ACAP2: variants seen among roughly 807,000 people sequenced by gnomAD.
ACAP2 encodes arf-GAP with coiled-coil, ANK repeat and PH domain-containing protein 2.
In ACAP2, 39 loss-of-function variants were observed where a neutral mutation model predicts 115.8. The ratio of observed to expected loss-of-function variants is 0.34; its 90% CI spans 0.26 to 0.44. The LOEUF (loss-of-function observed/expected upper bound fraction) is 0.44. Among genes scored for constraint, ACAP2 ranks in the 20% least tolerant of loss-of-function variants. ACAP2 has a pLI of 1.00. For synonymous variants in ACAP2, 289 were observed against 315.8 expected, an observed-to-expected ratio of 0.92 and a Z score of 0.90; for missense variants, 662 against 927.6, an observed-to-expected ratio of 0.71 and a Z score of 3.72.
intron 10 of ACAP2, among the ~76,000 whole-genome samples, chr3:195,317,452 C>T (rs1729170577): frequency 6.6e-6 from 1 of 152,120 alleles, no homozygotes; most frequent in Non-Finnish European, 1.5e-5. Context: ...CAGAATCCAA[C>T]TACTACTCAT....
chr3:195,435,551 T>C (rs1016846892), intron 1 of ACAP2, among the ~76,000 whole-genome samples: 5 of 152,198 alleles, frequency 3.3e-5, no homozygotes. Flanking sequence ...TGGCGTGTTC[T>C]ATTTTTGTTT....
chr3:195,308,920 C>T (rs1354437957), intron 10 of ACAP2, 83 bp from the exon 11 acceptor site: 5 of 1,289,056 alleles, frequency 3.9e-6, no homozygotes, highest in South Asian at 2.6e-5. Context: ...TGAGAAAGCA[C>T]TGGAAATCAC....
chr3:195,308,954 A>C (rs1460460026), intron 10 of ACAP2, 117 bp from the exon 11 acceptor site: 10 of 958,334 alleles, frequency 1.0e-5, no homozygotes, highest in Non-Finnish European at 1.6e-5. Flanking sequence ...TGTTTTGAGA[A>C]GTCCACTGTA....
intron 4 of ACAP2, among the ~76,000 whole-genome samples, chr3:195,366,495 C>T (rs1477975121): frequency 6.6e-6 from 1 of 152,164 alleles, no homozygotes; most frequent in Non-Finnish European, 1.5e-5. Flanking sequence ...AACATTACCG[C>T]CATCACCTGG....
chr3:195,414,592 A>G (rs1436956100), intron 1 of ACAP2, among the ~76,000 whole-genome samples: 2 of 152,230 alleles, frequency 1.3e-5, no homozygotes, highest in Non-Finnish European at 2.9e-5. Context: ...AGTATCATTC[A>G]GCACTAAAAA....
intron 1 of ACAP2, among the ~76,000 whole-genome samples, chr3:195,416,781 CACA>C (rs1375082187): frequency 6.6e-6 from 1 of 152,156 alleles, no homozygotes; most frequent in Non-Finnish European, 1.5e-5. Context: ...GGTTGAATCT[CACA>C]ACACTAGAAG....
chr3:195,366,442 T>G (rs866389913), intron 4 of ACAP2, among the ~76,000 whole-genome samples: 2 of 152,178 alleles, frequency 1.3e-5, no homozygotes, highest in Non-Finnish European at 2.9e-5. Flanking sequence ...GAGACACTGG[T>G]GACTCCAGAA....
At chr3:195,406,630 C>T (rs746020811) in intron 1 of ACAP2, among the ~76,000 whole-genome samples, 6 of 152,164 alleles carry the variant, frequency 3.9e-5, no homozygotes, top group African/African-American at 1.4e-4. Context: ...TCTTTTCTTT[C>T]TTCTAAGCTA....
chr3:195,349,409 AG>A (rs1309210959), intron 4 of ACAP2, among the ~76,000 whole-genome samples: 1 of 152,124 alleles, frequency 6.6e-6, no homozygotes, highest in African/African-American at 2.4e-5. Flanking sequence ...TGAACCCGGG[AG>A]GCAGAGCTTG....
intron 1 of ACAP2, among the ~76,000 whole-genome samples, chr3:195,428,569 C>T (rs1056600763): frequency 2.6e-5 from 4 of 152,050 alleles, no homozygotes; most frequent in Non-Finnish European, 5.9e-5. Context: ...AGGTTTGTAT[C>T]CTAGGACCCA....
In ACAP2 at chr3:195,301,583, G is replaced by A. The variant is rs1056792854; in HGVS notation, c.1387C>T (p.Leu463Phe). ...SLTLDTWEPE[L>F]LKLMCELGND... is the part of the protein sequence containing the mutation. Reference sequence around the variant, plus strand: ...GCAAAAATTTTTTTTACCTTTAAAAGTTCTGGCTCCCAGGTGTCTAAAGTT... The same window carrying A: ...GCAAAAATTTTTTTTACCTTTAAAAATTCTGGCTCCCAGGTGTCTAAAGTT... Residue 463 changes from leucine (L) to phenylalanine (F), a missense_variant, in exon 15 of 23, where the codon CTT becomes TTT. Physicochemically the swap from Leu to Phe is conservative, Grantham distance 22 (BLOSUM62 0). Transcript: ENST00000326793. 8.7e-6 allele frequency: 14 copies of A among 1,609,226 alleles called. No homozygotes were observed. Among genetic ancestry groups the A allele is most frequent in the Non-Finnish European group, 2.5e-6 (3 of 1,178,642 alleles).
intron 3 of ACAP2, among the ~76,000 whole-genome samples, chr3:195,381,319 G>C (rs1424023574): frequency 1.3e-5 from 2 of 152,096 alleles, no homozygotes; most frequent in African/African-American, 4.8e-5. Flanking sequence ...AATAGAAATG[G>C]TAAATATAAA....
intron 4 of ACAP2, among the ~76,000 whole-genome samples, chr3:195,379,511 G>A (rs1463261442): frequency 1.3e-5 from 2 of 152,002 alleles, no homozygotes; most frequent in African/African-American, 4.8e-5. Context: ...ACTGACAAAG[G>A]GACTGGGTGT....
chr3:195,281,273 T>C (rs960047715), intron 22 of ACAP2, among the ~76,000 whole-genome samples: 2 of 151,850 alleles, frequency 1.3e-5, no homozygotes, highest in Non-Finnish European at 2.9e-5. Flanking sequence ...GGCGTGGTGG[T>C]GGGCGCCTGT....
intron 20 of ACAP2, 92 bp downstream of exon 20, chr3:195,291,614 A>T: frequency 1.1e-6 from 1 of 907,478 alleles, no homozygotes; most frequent in Non-Finnish European, 1.6e-6. Context: ...TACAAACACT[A>T]CCTGAAAACT....
At chr3:195,336,761 TGAA>T in intron 7 of ACAP2, 168 bp downstream of exon 7, 2 of 624,472 alleles carry the variant, frequency 3.2e-6, no homozygotes, top group South Asian at 3.9e-5. Flanking sequence ...AACTGTAACA[TGAA>T]GGAGACAAAA....
intron 2 of ACAP2, among the ~76,000 whole-genome samples, chr3:195,382,922 A>G (rs1428248133): frequency 1.3e-5 from 2 of 151,678 alleles, no homozygotes; most frequent in Non-Finnish European, 2.9e-5. Flanking sequence ...GGCTGTGGGG[A>G]CCAGGGAAGG....
In ACAP2 at chr3:195,295,769, C is replaced by A; in HGVS notation, c.1611G>T (p.Lys537Asn). 1 of 1,614,080 alleles carries A rather than the reference C, an allele frequency of 6.2e-7. No individual in the cohort carries two copies. Among genetic ancestry groups the A allele is most frequent in the Non-Finnish European group, 8.5e-7 (1 of 1,179,994 alleles). Residue 537 changes from lysine (K) to asparagine (N), a missense_variant, in exon 17 of 23, where the codon AAG becomes AAT. Lys to Asn is a moderately conservative substitution (Grantham distance 94). Coordinates refer to ENST00000326793, the MANE Select transcript of ACAP2 (RefSeq NM_012287.6). ...GCCCAAATTTAGAAATGCTCAGCCT[C>A]TTTTCTTCAGAACTTTTAGAGACAA... ...KKFVSKSSEE[K>N]RLSISKFGPG...
At chr3:195,418,581 G>A (rs964659990) in intron 1 of ACAP2, among the ~76,000 whole-genome samples, 10 of 152,092 alleles carry the variant, frequency 6.6e-5, no homozygotes, top group Admixed American at 3.3e-4. Flanking sequence ...ACAGACACAC[G>A]CCTCCACACC....
Sources: allele counts gnomAD v4.1 joint callset (sites outside exome capture counted in the v4.1 genomes callset), GRCh38; gene constraint gnomAD v4.1.1; transcripts MANE v1.5; gene names NCBI Gene and HGNC (gene_info 2026-07-23, HGNC 2026-07-21).